Variants in FMN1 observed in about 807,000 individuals in gnomAD.
The protein encoded by FMN1 is formin 1.
In FMN1, 110 loss-of-function variants were observed where a neutral mutation model predicts 132.4. That is an observed-to-expected ratio of 0.83 (90% CI 0.71 to 0.97). The LOEUF is 0.97. Ranked by LOEUF, FMN1 falls within the 50% of genes least tolerant of loss-of-function variation. The probability of loss-of-function intolerance (pLI) is 0.00; values close to 1 mark genes in which losing one functional copy is unlikely to be tolerated. For synonymous variants in FMN1, 722 were observed against 651.7 expected, an observed-to-expected ratio of 1.11 and a Z score of -1.64; for missense variants, 1,792 against 1,705.3, an observed-to-expected ratio of 1.05 and a Z score of -0.90.
chr15:33,120,298 A>C (rs1369042368), intron 4 of FMN1, among the ~76,000 whole-genome samples: 1 of 152,206 alleles, frequency 6.6e-6, no homozygotes, highest in East Asian at 1.9e-4. Flanking sequence ...AAGATAGCAG[A>C]TGTGCTAACT....
intron 5 of FMN1, among the ~76,000 whole-genome samples, chr15:33,068,548 CA>C (rs2037855059): frequency 1.3e-5 from 2 of 152,134 alleles, no homozygotes; most frequent in African/African-American, 4.8e-5. Flanking sequence ...AAGCCGCAAT[CA>C]AGGAAACAAA....
chr15:33,083,129 T>TAC (rs1405730569), intron 5 of FMN1, among the ~76,000 whole-genome samples: 3 of 152,196 alleles, frequency 2.0e-5, no homozygotes, highest in African/African-American at 7.2e-5. Flanking sequence ...TAATGAGAAA[T>TAC]ACACTGTATA....
At chr15:33,076,744 T>C (rs1031560619) in intron 5 of FMN1, among the ~76,000 whole-genome samples, 1 of 152,186 alleles carries the variant, frequency 6.6e-6, no homozygotes, top group Non-Finnish European at 1.5e-5. Flanking sequence ...AATGTTTCTT[T>C]TCATGACAAT....
At chr15:32,964,882 A>C (rs1328663762) in intron 8 of FMN1, among the ~76,000 whole-genome samples, 1 of 152,058 alleles carries the variant, frequency 6.6e-6, no homozygotes, top group Non-Finnish European at 1.5e-5. Context: ...AACCTCCTCC[A>C]TTGCACCTCA....
intron 6 of FMN1, among the ~76,000 whole-genome samples, chr15:33,053,490 C>CA (rs1192308332): frequency 6.6e-6 from 1 of 152,154 alleles, no homozygotes. Context: ...GCCCCTGCTG[C>CA]AAGTTCGGGA....
At chr15:32,896,772 C>A (rs1261270614) in intron 15 of FMN1, among the ~76,000 whole-genome samples, 2 of 152,130 alleles carry the variant, frequency 1.3e-5, no homozygotes, top group Non-Finnish European at 2.9e-5. Flanking sequence ...GAATAATATT[C>A]CCTAGTACAT....
chr15:32,878,081 T>C (rs1213107153), intron 16 of FMN1, among the ~76,000 whole-genome samples: 1 of 152,210 alleles, frequency 6.6e-6, no homozygotes, highest in Non-Finnish European at 1.5e-5. Flanking sequence ...ACAGTGCCTA[T>C]TCAAAGTGCC....
chr15:33,073,819 T>C (rs1175538618), intron 5 of FMN1, among the ~76,000 whole-genome samples: 1 of 149,524 alleles, frequency 6.7e-6, no homozygotes, highest in African/African-American at 2.5e-5. Context: ...AGCCTTCACC[T>C]CCCCTTGCTC....
At chr15:32,918,399 GGAGT>G (rs1291977918) in intron 10 of FMN1, among the ~76,000 whole-genome samples, 2 of 152,188 alleles carry the variant, frequency 1.3e-5, no homozygotes, top group Non-Finnish European at 2.9e-5. Context: ...GGGCTCTGAT[GGAGT>G]AAGAGACAAG....
chr15:32,881,503 C>G (rs2059769361), intron 16 of FMN1, among the ~76,000 whole-genome samples: 1 of 152,156 alleles, frequency 6.6e-6, no homozygotes, highest in Admixed American at 6.5e-5. Flanking sequence ...AGTGTTCAGT[C>G]CTTGATGAGT....
intron 4 of FMN1, among the ~76,000 whole-genome samples, chr15:33,106,901 T>G (rs984045549): frequency 6.6e-6 from 1 of 152,042 alleles, no homozygotes; most frequent in African/African-American, 2.4e-5. Flanking sequence ...TCACTCCATC[T>G]GTCATCTCAT....
chr15:32,810,355 AAGAGT>A (rs2057830914), intron 17 of FMN1, among the ~76,000 whole-genome samples: 1 of 152,308 alleles, frequency 6.6e-6, no homozygotes, highest in East Asian at 1.9e-4. Flanking sequence ...CAAAATAGTG[AAGAGT>A]AGAGTAGAAC....
At chr15:33,041,188 T>C (rs2036417094) in intron 6 of FMN1, among the ~76,000 whole-genome samples, 1 of 151,744 alleles carries the variant, frequency 6.6e-6, no homozygotes, top group East Asian at 1.9e-4. Context: ...AATATACCAG[T>C]AATTAAATAA....
chr15:32,953,224 A>T (rs1211003622), intron 9 of FMN1, among the ~76,000 whole-genome samples: 1 of 152,156 alleles, frequency 6.6e-6, no homozygotes, highest in Non-Finnish European at 1.5e-5. Flanking sequence ...GGCTTTTCGT[A>T]ACTTCTGGCA....
intron 10 of FMN1, among the ~76,000 whole-genome samples, 153 bp from the exon 11 acceptor site, chr15:32,910,688 G>T (rs1413574233): frequency 6.6e-6 from 1 of 152,174 alleles, no homozygotes; most frequent in Non-Finnish European, 1.5e-5. Flanking sequence ...TCGCACCAGG[G>T]GTCTCAAATG....
chr15:33,175,044 T>TA (rs1555412342), intron 3 of FMN1, among the ~76,000 whole-genome samples: 25 of 151,808 alleles, frequency 1.6e-4, no homozygotes, highest in Non-Finnish European at 1.9e-4. Context: ...TTTTTTTTTT[T>TA]TAGACAGGGT....
At chr15:32,799,048 T>C (rs2057389214) in intron 18 of FMN1, 95 bp from the exon 19 acceptor site, 14 of 1,008,196 alleles carry the variant, frequency 1.4e-5, no homozygotes, top group Non-Finnish European at 8.7e-6. Context: ...GCAGTTTCTC[T>C]TGTGTTTATT....
At chr15:32,818,705 C>A (rs953290980) in intron 17 of FMN1, among the ~76,000 whole-genome samples, 2 of 151,966 alleles carry the variant, frequency 1.3e-5, no homozygotes, top group African/African-American at 4.8e-5. Flanking sequence ...ACCCTTAATG[C>A]AAAAAATATT....
intron 6 of FMN1, among the ~76,000 whole-genome samples, chr15:33,023,840 CTA>C (rs1425538371): frequency 6.6e-6 from 1 of 152,102 alleles, no homozygotes; most frequent in Admixed American, 6.5e-5. Context: ...GAGGGATAGA[CTA>C]TTTTTTTAAA....
Sources: allele counts gnomAD v4.1 joint callset (sites outside exome capture counted in the v4.1 genomes callset), GRCh38; gene constraint gnomAD v4.1.1; transcripts MANE v1.5; gene names NCBI Gene and HGNC (gene_info 2026-07-23, HGNC 2026-07-21).